Variants in FSTL1 observed in about 807,000 individuals in gnomAD.
FSTL1 encodes the protein follistatin-related protein 1.
In FSTL1, 24 loss-of-function variants were observed where a neutral mutation model predicts 45.9. The ratio of observed to expected loss-of-function variants is 0.52; its 90% CI spans 0.38 to 0.74. FSTL1 has a LOEUF of 0.74. Ranked by LOEUF, FSTL1 falls within the 30% of genes least tolerant of loss-of-function variation. FSTL1 has a pLI of 0.00. For synonymous variants in FSTL1, 120 were observed against 137.6 expected, an observed-to-expected ratio of 0.87 and a Z score of 0.89; for missense variants, 340 against 381.8, an observed-to-expected ratio of 0.89 and a Z score of 0.91.
intron 8 of FSTL1, 34 bp downstream of exon 8, chr3:120,403,208 C>G (rs1321552718): frequency 8.5e-7 from 1 of 1,176,190 alleles, no homozygotes; most frequent in East Asian, 2.3e-5. Context: ...TGCCTCCATT[C>G]ACTACAGCTC....
At chr3:120,429,356 CA>C (rs912115062) in intron 2 of FSTL1, among the ~76,000 whole-genome samples, 5 of 152,238 alleles carry the variant, frequency 3.3e-5, no homozygotes, top group Admixed American at 6.5e-5. Flanking sequence ...CTGGAGCACC[CA>C]TGAGTGTGGC....
In FSTL1 at chr3:120,411,870, G is replaced by A. The variant is rs759715717; in HGVS notation, c.282C>T (p.Tyr94=). 6.8e-5 allele frequency: 110 copies of A among 1,613,858 alleles called. No individual in the cohort carries two copies. Among genetic ancestry groups the A allele is most frequent in the Non-Finnish European group, 8.7e-5 (103 of 1,179,816 alleles). The stretch of plus-strand genomic sequence containing the variant: ...ACACCTTACCTTTGCAGTGTCCATC[G>A]TAATCAACCTGGATTTTGGATCCAG... The part of the protein sequence containing the change: ...CLTGSKIQVD[Y]DGHCKEKKSV... The change falls in exon 4 of 11, where the codon TAC becomes TAT. Residue 94 remains tyrosine, a synonymous_variant. Transcript: ENST00000295633.
At chr3:120,439,333 A>C (rs1171485862) in intron 2 of FSTL1, among the ~76,000 whole-genome samples, 1 of 152,208 alleles carries the variant, frequency 6.6e-6, no homozygotes, top group Non-Finnish European at 1.5e-5. Flanking sequence ...TTCCTGGGGA[A>C]TCACAGTTCC....
intron 3 of FSTL1, 69 bp from the exon 4 acceptor site, chr3:120,412,052 TACATGCAC>T: frequency 1.1e-6 from 1 of 950,422 alleles, no homozygotes; most frequent in Admixed American, 2.1e-5. Flanking sequence ...CACACACACA[TACATGCAC>T]ACACACACAC....
chr3:120,411,911 G>A lies in FSTL1; in HGVS notation c.241C>T (p.Arg81Ter). The change falls in exon 4 of 11, where the codon CGA (arginine) becomes TGA (stop). Residue 81 changes from arginine (R) to a stop codon, truncating the protein, a stop_gained. Transcript: ENST00000295633. LOFTEE classifies it high-confidence loss of function. ...TTGGATCCAGTGAGGCAGGCATCTC[G>A]ATGCAGTTCACAGTGGTTGAGGTAG... Reference protein sequence around the residue: ...KTYLNHCELHRDACLTGSKIQ... With the variant: ...KTYLNHCELH 1.2e-6 allele frequency: 2 copies of A among 1,613,406 alleles called. No homozygotes were observed. The highest frequency in any genetic ancestry group is 1.7e-6 in the Non-Finnish European group (2 of 1,179,306).
At chr3:120,425,247 T>C (rs533278660) in intron 2 of FSTL1, among the ~76,000 whole-genome samples, 26 of 150,248 alleles carry the variant, frequency 1.7e-4, no homozygotes, top group Non-Finnish European at 3.5e-4. Context: ...CAGCCGAGAG[T>C]AGAGTAGGAA....
intron 3 of FSTL1, among the ~76,000 whole-genome samples, chr3:120,415,186 A>G (rs1937166298): frequency 6.6e-6 from 1 of 151,736 alleles, no homozygotes; most frequent in Non-Finnish European, 1.5e-5. Flanking sequence ...AAAAATTTGC[A>G]TATCCTCTGA....
chr3:120,450,840 C>A, intron 1 of FSTL1, 57 bp downstream of exon 1: 1 of 870,168 alleles, frequency 1.1e-6, no homozygotes, highest in Non-Finnish European at 1.7e-6. Context: ...TCCGGCCGCC[C>A]AAGCACCCCC....
At chr3:120,410,816 G>C in intron 5 of FSTL1, 136 bp downstream of exon 5, 3 of 785,552 alleles carry the variant, frequency 3.8e-6, no homozygotes, top group Admixed American at 1.7e-5. Flanking sequence ...CTGTGTTGAG[G>C]AGTGGCCAGT....
intron 5 of FSTL1, chr3:120,410,614 T>C: frequency 2.5e-6 from 1 of 401,992 alleles, no homozygotes; most frequent in Non-Finnish European, 4.9e-6. Flanking sequence ...AAAAGAGTTG[T>C]GCCTTCTATT....
At chr3:120,420,740 C>T (rs528635590) in intron 2 of FSTL1, among the ~76,000 whole-genome samples, 2 of 152,256 alleles carry the variant, frequency 1.3e-5, no homozygotes, top group South Asian at 2.1e-4. Flanking sequence ...CAGGGGATAC[C>T]TCTGAGGCCC....
At chr3:120,442,987 A>G in intron 2 of FSTL1, among the ~76,000 whole-genome samples, 1 of 145,072 alleles carries the variant, frequency 6.9e-6, no homozygotes, top group Non-Finnish European at 1.5e-5. Context: ...AGATACACCT[A>G]AGGCTAGATG....
At chr3:120,409,992 C>T in intron 5 of FSTL1, 1 of 187,244 alleles carries the variant, frequency 5.3e-6, no homozygotes, top group Non-Finnish European at 1.1e-5. Flanking sequence ...TAAAGCAGCT[C>T]TCTTGACTCA....
At chr3:120,428,974 T>C (rs375116356) in intron 2 of FSTL1, among the ~76,000 whole-genome samples, 58 of 152,318 alleles carry the variant, frequency 3.8e-4, no homozygotes, top group African/African-American at 1.3e-3. Context: ...AATTAGAAGT[T>C]CTCAGACATT....
intron 10 of FSTL1, among the ~76,000 whole-genome samples, chr3:120,399,572 TC>T (rs1393327932): frequency 6.6e-6 from 1 of 152,124 alleles, no homozygotes; most frequent in Non-Finnish European, 1.5e-5. Context: ...GATACACACT[TC>T]CTTAAACCAC....
intron 2 of FSTL1, among the ~76,000 whole-genome samples, chr3:120,418,262 A>G (rs1937220289): frequency 6.6e-6 from 1 of 152,194 alleles, no homozygotes. Context: ...ATTATTATTA[A>G]CCCTATTCCA....
chr3:120,408,995 T>C (rs1292851205), intron 6 of FSTL1, among the ~76,000 whole-genome samples: 2 of 152,248 alleles, frequency 1.3e-5, no homozygotes, highest in Non-Finnish European at 2.9e-5. Context: ...TGGAACACTC[T>C]GTCTCTTCAA....
At chr3:120,444,217 C>T (rs1937688275) in intron 2 of FSTL1, among the ~76,000 whole-genome samples, 1 of 149,752 alleles carries the variant, frequency 6.7e-6, no homozygotes, top group Non-Finnish European at 1.5e-5. Flanking sequence ...TTCATACAGT[C>T]CCAAACTCTG....
At chr3:120,400,939 T>C (rs1011045034) in intron 9 of FSTL1, among the ~76,000 whole-genome samples, 8 of 152,210 alleles carry the variant, frequency 5.3e-5, no homozygotes, top group African/African-American at 1.9e-4. Flanking sequence ...GAGCAGCCCA[T>C]AGCTGAGTGG....
Sources: gnomAD v4.1 joint callset for allele counts (sites outside exome capture counted in the v4.1 genomes callset) on GRCh38, gnomAD v4.1.1 for gene constraint, MANE v1.5 for transcripts, NCBI Gene and HGNC (gene_info 2026-07-23, HGNC 2026-07-21) for gene names.